SMAP2: variants seen among roughly 807,000 people sequenced by gnomAD.
The protein encoded by SMAP2 is small ArfGAP2.
A neutral mutation model predicts 56.4 loss-of-function variants in SMAP2; 25 were observed. That is an observed-to-expected ratio of 0.44 (90% CI 0.32 to 0.62). The LOEUF is 0.62. Ranked by LOEUF, SMAP2 falls within the 20% of genes least tolerant of loss-of-function variation. SMAP2 has a pLI of 0.04. For missense variants in SMAP2, 388 were observed against 545.6 expected (o/e 0.71, Z 2.88); for synonymous variants, 157 against 181.7 (o/e 0.86, Z 1.09).
intron 2 of SMAP2, among the ~76,000 whole-genome samples, chr1:40,407,955 T>G (rs1005512667): frequency 2.0e-5 from 3 of 152,210 alleles, no homozygotes; most frequent in African/African-American, 7.2e-5. Context: ...TTGAAACGCT[T>G]TAATTTCAAT....
At chr1:40,378,156 GCTCTGC>G in intron 1 of SMAP2, among the ~76,000 whole-genome samples, 1 of 152,088 alleles carries the variant, frequency 6.6e-6, no homozygotes, top group South Asian at 2.1e-4. Flanking sequence ...ACGGGGTCTT[GCTCTGC>G]CACCCAGGCT....
intron 1 of SMAP2, among the ~76,000 whole-genome samples, chr1:40,390,808 A>G (rs1452301859): frequency 3.3e-5 from 5 of 152,118 alleles, no homozygotes; most frequent in African/African-American, 4.8e-5. Flanking sequence ...AGTTTCTCCA[A>G]CTGTGCTTAG....
chr1:40,395,826 T>G (rs1435076704), intron 1 of SMAP2, among the ~76,000 whole-genome samples: 1 of 152,226 alleles, frequency 6.6e-6, no homozygotes, highest in East Asian at 1.9e-4. Flanking sequence ...GTTGATTTCT[T>G]TGTGTTACAG....
intron 1 of SMAP2, among the ~76,000 whole-genome samples, chr1:40,395,528 A>G (rs1644762432): frequency 6.6e-6 from 1 of 151,822 alleles, no homozygotes. Context: ...CAAAATAATA[A>G]TAATAATAAT....
intron 1 of SMAP2, among the ~76,000 whole-genome samples, chr1:40,405,525 C>T (rs1644877455): frequency 6.6e-6 from 1 of 152,158 alleles, no homozygotes; most frequent in African/African-American, 2.4e-5. Flanking sequence ...TGCTAGCTAA[C>T]CAAATAATTG....
Position 40,417,109 on chromosome 1 carries a change from AT to A in SMAP2, c.1164+17del. 1 of 1,581,062 alleles carries A rather than the reference AT, an allele frequency of 6.3e-7. No individual in the cohort carries two copies. The highest frequency in any genetic ancestry group is 8.6e-7 in the Non-Finnish European group (1 of 1,156,160). ...GAACCTTACTCAGGTAAGCTACCCC[AT>A]TTTACTTGCAGCAAGAGTTTTGAGC... On this transcript the variant is annotated intron_variant, in intron 9 of 9. Transcript: ENST00000372718.
At chr1:40,407,120 G>A (rs2124340499) in intron 2 of SMAP2, among the ~76,000 whole-genome samples, 1 of 152,260 alleles carries the variant, frequency 6.6e-6, no homozygotes, top group South Asian at 2.1e-4. Context: ...GCCCACGAAA[G>A]TATTAAGAGG....
intron 1 of SMAP2, among the ~76,000 whole-genome samples, chr1:40,388,732 A>G (rs999080707): frequency 6.6e-6 from 1 of 152,222 alleles, no homozygotes; most frequent in Non-Finnish European, 1.5e-5. Context: ...TGCCCGAGCC[A>G]GCAGTGGCAG....
rs2272993 is a variant in SMAP2, at chr1:40,374,049, C to A, written c.-72C>A. The A allele has an allele frequency of 1.2e-3, 1,446 of 1,250,244 alleles. 17 individuals carry two copies. The East Asian group carries it at 0.025, about 22-fold the overall frequency. 77.4% of individuals were successfully genotyped at this position (1,250,244 alleles called of 1,614,324 possible). On this transcript the variant is annotated 5_prime_UTR_variant, in exon 1 of 10. Coordinates refer to ENST00000372718, the MANE Select transcript of SMAP2 (RefSeq NM_022733.3). This position sits in a 1 kb window ranked among gnomAD's most constrained non-coding sequence, Gnocchi z 5.9. ...TGGGCGGGGGACCGGGAGTCCTCAA[C>A]CCCGGACTGAGGCAGGGGTCTCTGG...
At chr1:40,393,541 CTTTTT>C (rs35913943) in intron 1 of SMAP2, 6,988 of 802,668 alleles carry the variant, frequency 8.7e-3, no homozygotes, top group East Asian at 0.013. Flanking sequence ...GTTCTTCTAA[CTTTTT>C]TTTTTTTTTT....
chr1:40,412,434 T>C (rs2124357968), intron 4 of SMAP2, among the ~76,000 whole-genome samples: 1 of 152,376 alleles, frequency 6.6e-6, no homozygotes, highest in South Asian at 2.1e-4. Flanking sequence ...TTTTCATATG[T>C]ATGCTATACT....
At chr1:40,388,857 C>T (rs1385883150) in intron 1 of SMAP2, among the ~76,000 whole-genome samples, 3 of 152,186 alleles carry the variant, frequency 2.0e-5, no homozygotes, top group Admixed American at 1.3e-4. Flanking sequence ...CAACACTCAC[C>T]GCGAAGGTCT....
chr1:40,416,115 A>C, intron 7 of SMAP2, 61 bp from the exon 8 acceptor site: 1 of 1,477,122 alleles, frequency 6.8e-7, no homozygotes, highest in African/African-American at 1.4e-5. Context: ...GGGAAGGGAG[A>C]CCCTTAAAGA....
At chr1:40,393,689 G>C (rs1298719615) in intron 1 of SMAP2, among the ~76,000 whole-genome samples, 2 of 151,874 alleles carry the variant, frequency 1.3e-5, no homozygotes, top group African/African-American at 4.8e-5. Context: ...AGTATTACAG[G>C]CGTGAGCCAC....
At chr1:40,399,577 A>T (rs1409311575) in intron 1 of SMAP2, among the ~76,000 whole-genome samples, 1 of 149,798 alleles carries the variant, frequency 6.7e-6, no homozygotes, top group African/African-American at 2.5e-5. Flanking sequence ...TGGCTCATGC[A>T]TCTAGTCCCA....
In SMAP2 at chr1:40,423,187, C is replaced by G. The variant is rs1645060692; in HGVS notation, c.*1086C>G. 1 of 152,648 alleles carries G rather than the reference C, an allele frequency of 6.6e-6. No individual in the cohort carries two copies. The highest frequency in any genetic ancestry group is 1.5e-5 in the Non-Finnish European group (1 of 68,066). 9.5% of individuals were successfully genotyped at this position (152,648 alleles called of 1,614,324 possible). The stretch of plus-strand genomic sequence containing the variant: ...GAGGCAGAGGGCCGGGACAGCTTTC[C>G]TCTCAGTCATTGTTCACCCCACTTG... On this transcript the variant is annotated 3_prime_UTR_variant, in exon 10 of 10. Coordinates refer to ENST00000372718, the MANE Select transcript of SMAP2 (RefSeq NM_022733.3).
intron 4 of SMAP2, 144 bp from the exon 5 acceptor site, chr1:40,412,872 A>G (rs1020669226): frequency 1.6e-6 from 1 of 618,638 alleles, no homozygotes; most frequent in African/African-American, 1.9e-5. Context: ...CTCCACACCA[A>G]GACACCGCCC....
intron 1 of SMAP2, among the ~76,000 whole-genome samples, chr1:40,383,913 T>C (rs1438051804): frequency 6.6e-6 from 1 of 152,176 alleles, no homozygotes; most frequent in Non-Finnish European, 1.5e-5. Context: ...TTCGTTTTTC[T>C]GGAGACAGAG....
At chr1:40,406,287 A>G (rs1352475491) in intron 1 of SMAP2, among the ~76,000 whole-genome samples, 1 of 152,194 alleles carries the variant, frequency 6.6e-6, no homozygotes, top group Non-Finnish European at 1.5e-5. Context: ...CAACACTCAT[A>G]TTAGCAGACA....
Sources: allele counts gnomAD v4.1 joint callset (sites outside exome capture counted in the v4.1 genomes callset), GRCh38; gene constraint gnomAD v4.1.1; non-coding constraint Gnocchi (gnomAD v3.1); transcripts MANE v1.5; gene names NCBI Gene and HGNC (gene_info 2026-07-23, HGNC 2026-07-21).